Variants in MAP4K5 observed in about 807,000 individuals in gnomAD.
MAP4K5 encodes the protein mitogen-activated protein kinase kinase kinase kinase 5.
MAP4K5 carries 82 observed loss-of-function variants against 135.6 expected under a neutral mutation model. That is an observed-to-expected ratio of 0.60 (90% CI 0.51 to 0.73). The LOEUF is 0.73. MAP4K5 is among the 30% of genes least tolerant of loss of function. The probability of loss-of-function intolerance (pLI) is 0.00; values close to 1 mark genes in which losing one functional copy is unlikely to be tolerated. For missense variants in MAP4K5, 907 were observed against 1,010.9 expected, an observed-to-expected ratio of 0.90 and a Z score of 1.39; for synonymous variants, 347 against 335.0, an observed-to-expected ratio of 1.04 and a Z score of -0.39.
Position 50,485,559 on chromosome 14 carries a change from A to G in MAP4K5, c.322+19T>C, listed in dbSNP as rs1481730511. ...TAAAACCAAAGTCTGTTTAAAATGTAAAGTCAAATTAACAGTACCATGGTA... is the reference window on the plus strand; with the variant it reads ...TAAAACCAAAGTCTGTTTAAAATGTGAAGTCAAATTAACAGTACCATGGTA... On this transcript the variant is annotated intron_variant, in intron 5 of 32. Transcript: ENST00000682126. 1 of 1,462,948 alleles carries G rather than the reference A, an allele frequency of 6.8e-7. No individual in the cohort carries two copies. Among genetic ancestry groups the G allele is most frequent in the Admixed American group, 2.0e-5 (1 of 48,954 alleles). 90.6% of individuals were successfully genotyped at this position (1,462,948 alleles called of 1,614,324 possible).
At chr14:50,468,500 A>C in intron 10 of MAP4K5, 151 bp downstream of exon 10, 1 of 709,346 alleles carries the variant, frequency 1.4e-6, no homozygotes, top group Non-Finnish European at 2.3e-6. Context: ...GGACTAGCCC[A>C]CAATAGGTTT....
At chr14:50,553,340 C>A (rs1244687192) in intron 1 of MAP4K5, among the ~76,000 whole-genome samples, 1 of 150,098 alleles carries the variant, frequency 6.7e-6, no homozygotes, top group African/African-American at 2.4e-5. Context: ...AGACAGCCAA[C>A]AAACATTGAA....
Position 50,482,388 on chromosome 14 carries a change from T to C in MAP4K5, c.351A>G (p.Ile117Met). 1 of 1,533,904 alleles carries C rather than the reference T, an allele frequency of 6.5e-7. No homozygotes were observed. The highest frequency in any genetic ancestry group is 8.8e-7 in the Non-Finnish European group (1 of 1,142,090). Residue 117 changes from isoleucine to methionine, a missense_variant, in exon 6 of 33, where the codon ATA (isoleucine) becomes ATG (methionine). Transcript: ENST00000682126. ...GTAAGGTTTCTCTGCATACATAGGC[T>C]ATTTGCAATTCTGATAATGGTCCAG... The part of the protein sequence containing the change: ...HVTGPLSELQ[I>M]AYVCRETLQG...
rs35768475 is a variant in MAP4K5 at position 50,443,957 on chromosome 14, C to G, written c.1419G>C (p.Lys473Asn). The G allele has an allele frequency of 7.4e-3, 11,943 of 1,607,596 alleles. 92 individuals carry two copies. The highest frequency in any genetic ancestry group is 0.03 in the Middle Eastern group (179 of 6,054). The change falls in exon 19 of 33, where the codon AAG (lysine) becomes AAC (asparagine). Residue 473 changes from lysine to asparagine, a missense_variant. This residue lies in a region of MAP4K5 where 690 missense variants were observed against 777.4 expected (regional missense o/e 0.89). Coordinates refer to ENST00000682126, the MANE Select transcript of MAP4K5 (RefSeq NM_006575.6). The stretch of plus-strand genomic sequence containing the variant: ...TACCTACAGGGAAGTCTCGTTTGTC[C>G]TTTTTTCGTGGTAACTGTGGTGCTT... ...SAQAPQLPRK[K>N]DKRDFPKPAI...
At chr14:50,550,858 T>C (rs1393862184) in intron 1 of MAP4K5, among the ~76,000 whole-genome samples, 3 of 152,152 alleles carry the variant, frequency 2.0e-5, no homozygotes, top group African/African-American at 7.2e-5. Context: ...TGAATGATAG[T>C]GACACAACTT....
At chr14:50,514,849 T>A (rs1373027630) in intron 2 of MAP4K5, among the ~76,000 whole-genome samples, 1 of 6,700 alleles carries the variant, frequency 1.5e-4, no homozygotes, top group Non-Finnish European at 3.0e-3. Flanking sequence ...CAGGACAGAA[T>A]GTATCACCGC....
In MAP4K5 at chr14:50,419,739, T is replaced by A. The variant is rs1308653372; in HGVS notation, c.*280A>T. The A allele has an allele frequency of 3.3e-6, 1 of 302,276 alleles. No homozygotes were observed. The highest frequency in any genetic ancestry group is 5.4e-5 in the East Asian group (1 of 18,500). The allele number at this position is 302,276 out of a possible 1,614,324, so 18.7% of individuals were successfully genotyped here. A position where few individuals can be genotyped will look rare whatever the true frequency, so the allele number is the denominator to read the frequency against. ...ACCATGGCACCCTTGTTACAAACAT[T>A]GTTTTTTTTAAAAAAAGACTGTGTT... On this transcript the variant is annotated 3_prime_UTR_variant, in exon 33 of 33. Coordinates refer to ENST00000682126, the MANE Select transcript of MAP4K5 (RefSeq NM_006575.6).
chr14:50,515,926 G>A (rs145247272), intron 2 of MAP4K5, among the ~76,000 whole-genome samples: 2 of 152,202 alleles, frequency 1.3e-5, no homozygotes, highest in East Asian at 3.9e-4. Flanking sequence ...ACATTAATGT[G>A]TCTAACACAG....
intron 32 of MAP4K5, 86 bp downstream of exon 32, chr14:50,423,035 T>C (rs937864779): frequency 8.3e-5 from 49 of 593,890 alleles, no homozygotes; most frequent in African/African-American, 7.9e-4. Flanking sequence ...AGAGTTTTGT[T>C]TGAAACAATT....
chr14:50,483,837 CATTTATTT>C (rs72048369), intron 5 of MAP4K5, among the ~76,000 whole-genome samples: 7,233 of 144,224 alleles, frequency 0.05, 496 homozygotes, highest in African/African-American at 0.16. Flanking sequence ...ACAGCAATTC[CATTTATTT>C]ATTTATTTAT....
At chr14:50,463,315 T>C (rs922818950) in intron 12 of MAP4K5, among the ~76,000 whole-genome samples, 13 of 152,346 alleles carry the variant, frequency 8.5e-5, no homozygotes, top group Non-Finnish European at 1.6e-4. Flanking sequence ...GAGTATTCTA[T>C]AAATTTACAT....
chr14:50,496,815 A>AAAAAATAAAAATAAAAAT (rs529474394), intron 3 of MAP4K5, among the ~76,000 whole-genome samples: 8 of 151,598 alleles, frequency 5.3e-5, no homozygotes, highest in African/African-American at 1.7e-4. Context: ...TCCCAGACCA[A>AAAAAATAAAAATAAAAAT]AAAAATAAAA....
intron 6 of MAP4K5, among the ~76,000 whole-genome samples, chr14:50,477,468 A>G (rs2037127159): frequency 6.6e-6 from 1 of 151,996 alleles, no homozygotes; most frequent in African/African-American, 2.4e-5. Context: ...TTATTTCATT[A>G]TTTTCTCTTT....
At chr14:50,541,951 G>C (rs1298861954) in intron 2 of MAP4K5, among the ~76,000 whole-genome samples, 3 of 130,490 alleles carry the variant, frequency 2.3e-5, no homozygotes, top group South Asian at 5.3e-4. Context: ...AGCTTGTAGT[G>C]AGCCGAGATC....
chr14:50,432,467 G>T (rs2035991787), intron 28 of MAP4K5, among the ~76,000 whole-genome samples: 1 of 151,582 alleles, frequency 6.6e-6, no homozygotes, highest in African/African-American at 2.4e-5. Flanking sequence ...GTAGTTGGGG[G>T]TCTGCTTTAA....
intron 3 of MAP4K5, among the ~76,000 whole-genome samples, chr14:50,493,864 T>C (rs1169242349): frequency 6.6e-6 from 1 of 151,714 alleles, no homozygotes; most frequent in Non-Finnish European, 1.5e-5. Flanking sequence ...GGTGGGCGCC[T>C]GTACTCCCAG....
chr14:50,510,073 G>T (rs764643146), intron 2 of MAP4K5, among the ~76,000 whole-genome samples: 107 of 151,972 alleles, frequency 7.0e-4, no homozygotes, highest in Non-Finnish European at 1.3e-3. Flanking sequence ...ATATCTTCAG[G>T]CAATTCATTA....
At chr14:50,502,512 T>C (rs547776658) in intron 3 of MAP4K5, among the ~76,000 whole-genome samples, 15 of 152,204 alleles carry the variant, frequency 9.9e-5, no homozygotes, top group Non-Finnish European at 1.8e-4. Flanking sequence ...GCAAAAACTT[T>C]CCTAAAGACC....
chr14:50,522,971 A>C (rs2038182701), intron 2 of MAP4K5, among the ~76,000 whole-genome samples: 1 of 152,210 alleles, frequency 6.6e-6, no homozygotes, highest in Non-Finnish European at 1.5e-5. Flanking sequence ...TGCTTAAAAA[A>C]ATAACATAAG....
Sources: gnomAD v4.1 joint callset for allele counts (sites outside exome capture counted in the v4.1 genomes callset) on GRCh38, gnomAD v4.1.1 for gene constraint, gnomAD v4.1.1 regional missense constraint, MANE v1.5 for transcripts, NCBI Gene and HGNC (gene_info 2026-07-23, HGNC 2026-07-21) for gene names.